ZBTB20: variants seen among roughly 807,000 people sequenced by gnomAD.
ZBTB20 encodes the protein zinc finger and BTB domain-containing protein 20.
ZBTB20 carries 9 observed loss-of-function variants against 56.9 expected under a neutral mutation model. The ratio of observed to expected loss-of-function variants is 0.16; its 90% CI spans 0.10 to 0.28. ZBTB20 has a LOEUF of 0.28. ZBTB20 is among the 10% of genes least tolerant of loss of function. The pLI is 1.00. For synonymous variants in ZBTB20, 417 were observed against 420.7 expected (o/e 0.99, Z 0.11); for missense variants, 655 against 1,003.0 (o/e 0.65, Z 4.69).
intron 4 of ZBTB20, among the ~76,000 whole-genome samples, chr3:114,896,685 T>C (rs1272288894): frequency 1.3e-5 from 2 of 152,098 alleles, no homozygotes; most frequent in Non-Finnish European, 2.9e-5. Context: ...AGATGTATTG[T>C]GGTGATGGCT....
intron 7 of ZBTB20, among the ~76,000 whole-genome samples, chr3:114,466,561 T>A (rs2092562532): frequency 6.6e-6 from 1 of 152,230 alleles, no homozygotes; most frequent in Admixed American, 6.5e-5. Context: ...AACAAAAGAC[T>A]AAATTTGTGG....
intron 5 of ZBTB20, among the ~76,000 whole-genome samples, chr3:114,796,904 T>C (rs1206948820): frequency 6.6e-6 from 1 of 151,872 alleles, no homozygotes; most frequent in Admixed American, 6.6e-5. Context: ...GAGTTATCCA[T>C]AGTGAAATAA....
intron 6 of ZBTB20, among the ~76,000 whole-genome samples, chr3:114,500,689 A>AT (rs1277177154): frequency 6.6e-6 from 1 of 152,172 alleles, no homozygotes; most frequent in South Asian, 2.1e-4. Context: ...ATCATATAGG[A>AT]TTTGGTAGAG....
At chr3:114,473,048 A>G (rs1315566053) in intron 7 of ZBTB20, among the ~76,000 whole-genome samples, 2 of 152,240 alleles carry the variant, frequency 1.3e-5, no homozygotes, top group African/African-American at 4.8e-5. Flanking sequence ...CAGAAACAGT[A>G]CAAGGACTGC....
intron 7 of ZBTB20, among the ~76,000 whole-genome samples, chr3:114,496,683 C>A (rs1349939632): frequency 6.6e-6 from 1 of 152,032 alleles, no homozygotes; most frequent in Non-Finnish European, 1.5e-5. Context: ...AACTCTAATT[C>A]AGAGAGAAGG....
intron 5 of ZBTB20, among the ~76,000 whole-genome samples, chr3:114,727,846 A>T (rs556448451): frequency 2.0e-5 from 3 of 152,292 alleles, no homozygotes; most frequent in African/African-American, 7.2e-5. Flanking sequence ...ATAATTAATA[A>T]TAATAACAAT....
chr3:114,984,506 A>G (rs1174787637), intron 2 of ZBTB20, among the ~76,000 whole-genome samples: 3 of 151,994 alleles, frequency 2.0e-5, no homozygotes, highest in Non-Finnish European at 2.9e-5. Context: ...ACCCAGACCC[A>G]TGTAGTGACA....
chr3:114,905,224 T>C (rs577372865), intron 3 of ZBTB20, among the ~76,000 whole-genome samples: 64 of 151,938 alleles, frequency 4.2e-4, no homozygotes, highest in Non-Finnish European at 7.8e-4. Flanking sequence ...TAAAAATGTA[T>C]TTAAGAACCT....
chr3:114,497,649 A>G (rs1389519776), intron 7 of ZBTB20, among the ~76,000 whole-genome samples: 2 of 152,130 alleles, frequency 1.3e-5, no homozygotes, highest in Admixed American at 1.3e-4. Context: ...TACGTCTTGT[A>G]TATACCTGCA....
intron 6 of ZBTB20, among the ~76,000 whole-genome samples, chr3:114,552,917 C>T (rs1178697320): frequency 2.0e-5 from 3 of 152,150 alleles, no homozygotes; most frequent in East Asian, 1.9e-4. Flanking sequence ...TGTTTTCAAT[C>T]ATTCTATTTT....
intron 4 of ZBTB20, among the ~76,000 whole-genome samples, chr3:114,889,834 G>A (rs2076738450): frequency 6.6e-6 from 1 of 151,882 alleles, no homozygotes; most frequent in Admixed American, 6.6e-5. Flanking sequence ...AATAACTAGA[G>A]CAAATAATAA....
At chr3:114,352,745 C>T (rs894644145) in intron 10 of ZBTB20, among the ~76,000 whole-genome samples, 8 of 152,176 alleles carry the variant, frequency 5.3e-5, no homozygotes, top group Non-Finnish European at 7.3e-5. Flanking sequence ...GACTACAGTA[C>T]ATTGGTGATC....
intron 2 of ZBTB20, among the ~76,000 whole-genome samples, chr3:115,055,187 A>ATCTCTCTCCCTCTC (rs2081716591): frequency 9.7e-6 from 1 of 103,142 alleles, no homozygotes; most frequent in Non-Finnish European, 1.9e-5. Context: ...CCTCCTGGTA[A>ATCTCTCTCCCTCTC]TCTCTCTCTC....
At chr3:114,939,681 A>G (rs1336340662) in intron 3 of ZBTB20, among the ~76,000 whole-genome samples, 1 of 146,456 alleles carries the variant, frequency 6.8e-6, no homozygotes, top group Non-Finnish European at 1.5e-5. Context: ...AAAGAAGACA[A>G]TAAAAATATC....
chr3:114,672,165 A>G (rs2061391904), intron 6 of ZBTB20, among the ~76,000 whole-genome samples: 1 of 152,206 alleles, frequency 6.6e-6, no homozygotes. Context: ...AAATTGAAAA[A>G]TAATAGTCAA....
chr3:115,141,306 T>A lies in ZBTB20; in HGVS notation c.-703+5913A>T, dbSNP rs1285228567. Among the ~76,000 whole-genome samples the A allele has an allele frequency of 3.3e-5, 5 of 152,304 alleles. No individual in the cohort carries two copies. The South Asian group carries it at 8.3e-4, about 25-fold the overall frequency. On this transcript the variant is annotated intron_variant, in intron 1 of 11. Transcript: ENST00000675478. ...ACCATATTGTACCTAAAACAGGCAA[T>A]CTGGATTCCTGTTGCTACTTTTTCT...
At chr3:114,386,089 A>G (rs1486748039) in intron 8 of ZBTB20, among the ~76,000 whole-genome samples, 1 of 152,120 alleles carries the variant, frequency 6.6e-6, no homozygotes, top group Non-Finnish European at 1.5e-5. Flanking sequence ...CTGAGGGTTG[A>G]GCAAGCTGCA....
At chr3:114,963,091 T>C (rs1421636288) in intron 3 of ZBTB20, among the ~76,000 whole-genome samples, 1 of 152,130 alleles carries the variant, frequency 6.6e-6, no homozygotes, top group Non-Finnish European at 1.5e-5. Context: ...AAAATAAATT[T>C]ACATATTTTC....
rs1491252547 is a variant in ZBTB20 at position 114,434,556 on chromosome 3, GTT to G, written c.-254-45453_-254-45452del. On this transcript the variant is annotated intron_variant, in intron 7 of 11. Coordinates refer to ENST00000675478, the MANE Select transcript of ZBTB20 (RefSeq NM_001348800.3). ...CTGCAATTGGGGTGTGTGTGTGTGT[GTT>G]TGTGTGTGTGTGTGTGTGTATCTTT... Among the ~76,000 whole-genome samples the G allele has an allele frequency of 1.6e-3, 225 of 138,334 alleles. 2 individuals carry two copies. The highest frequency in any genetic ancestry group is 5.5e-3 in the African/African-American group (217 of 39,704). The allele number at this position is 138,334 out of a possible 152,430, so 90.8% of individuals were successfully genotyped here. A position where few individuals can be genotyped will look rare whatever the true frequency, so the allele number is the denominator to read the frequency against.
Sources: allele counts gnomAD v4.1 joint callset (sites outside exome capture counted in the v4.1 genomes callset), GRCh38; gene constraint gnomAD v4.1.1; transcripts MANE v1.5; gene names NCBI Gene and HGNC (gene_info 2026-07-23, HGNC 2026-07-21).